RBBP4: variants seen among roughly 807,000 people sequenced by gnomAD.
RBBP4 encodes the protein RB binding protein 4, chromatin remodeling factor.
Under a neutral mutation model 57.2 loss-of-function variants are expected in RBBP4, and 3 were observed. That is an observed-to-expected ratio of 0.05 (90% confidence interval 0.02 to 0.14). RBBP4 has a LOEUF of 0.14. RBBP4 is among the 10% of genes least tolerant of loss of function. The pLI is 1.00. For synonymous variants in RBBP4, 151 were observed against 171.5 expected, an observed-to-expected ratio of 0.88 and a Z score of 0.93; for missense variants, 107 against 520.6, an observed-to-expected ratio of 0.21 and a Z score of 7.73.
chr1:32,659,611 G>T (rs1291170737), intron 3 of RBBP4, among the ~76,000 whole-genome samples: 1 of 151,782 alleles, frequency 6.6e-6, no homozygotes, highest in Non-Finnish European at 1.5e-5. Context: ...TCACTTAAAT[G>T]GATGTATTGT....
chr1:32,652,787 C>A (rs1017021024), intron 2 of RBBP4, among the ~76,000 whole-genome samples: 5 of 152,138 alleles, frequency 3.3e-5, no homozygotes, highest in Non-Finnish European at 7.4e-5. Flanking sequence ...CTCTGGTGAT[C>A]CGCCCGCCTC....
At position 32,686,115 on chromosome 1, in the gene RBBP4, AAGAC is replaced by A. The variant is rs1476137523; in HGVS notation, c.*6413_*6416del. The A allele has an allele frequency of 6.6e-5, 10 of 152,382 alleles. No homozygotes were observed. The highest frequency in any genetic ancestry group is 1.0e-4 in the Non-Finnish European group (7 of 68,044). The allele number at this position is 152,382 out of a possible 1,614,324, so 9.4% of individuals were successfully genotyped here. On this transcript the variant is annotated 3_prime_UTR_variant, in exon 12 of 12. Coordinates refer to ENST00000373493, the MANE Select transcript of RBBP4 (RefSeq NM_005610.3). Reference sequence around the variant, plus strand: ...AGTGTAAAATACACAGCAGATTTCTAAGACAGCACACAAAATGTAAAATATGTCA... The same window carrying A: ...AGTGTAAAATACACAGCAGATTTCTAAGCACACAAAATGTAAAATATGTCA...
rs751692700 is a variant in RBBP4 at position 32,672,787 on chromosome 1, T to C, written c.1102-4T>C. On this transcript the variant is annotated splice_region_variant and splice_polypyrimidine_tract_variant and intron_variant, in intron 10 of 11. Coordinates refer to ENST00000373493, the MANE Select transcript of RBBP4 (RefSeq NM_005610.3). Reference sequence around the variant, plus strand: ...TCACCTCTTTGTTTTCTTCCCTCTTTCAGTTTATTCATGGTGGTCATACTG... The same window carrying C: ...TCACCTCTTTGTTTTCTTCCCTCTTCCAGTTTATTCATGGTGGTCATACTG... 11 of 1,610,986 alleles carry C rather than the reference T, an allele frequency of 6.8e-6. No homozygotes were observed. The highest frequency in any genetic ancestry group is 1.1e-5 in the South Asian group (1 of 91,004).
intron 3 of RBBP4, among the ~76,000 whole-genome samples, chr1:32,667,089 G>A (rs962106221): frequency 1.3e-5 from 2 of 152,166 alleles, no homozygotes; most frequent in African/African-American, 4.8e-5. Flanking sequence ...TGGAGTCAGG[G>A]AACACTCTGC....
intron 3 of RBBP4, among the ~76,000 whole-genome samples, chr1:32,665,306 G>T (rs1057340865): frequency 6.6e-5 from 10 of 152,062 alleles, no homozygotes; most frequent in African/African-American, 2.4e-4. Flanking sequence ...AAGTTATTTT[G>T]AAGTTGAAAG....
chr1:32,674,940 T>C (rs529892425), intron 11 of RBBP4, among the ~76,000 whole-genome samples: 1 of 152,096 alleles, frequency 6.6e-6, no homozygotes, highest in South Asian at 2.1e-4. Flanking sequence ...GGTTTCACCA[T>C]GTTGGTCAGG....
intron 1 of RBBP4, 162 bp from the exon 2 acceptor site, chr1:32,651,752 T>C (rs961516406): frequency 1.1e-6 from 1 of 920,950 alleles, no homozygotes; most frequent in South Asian, 1.7e-5. Context: ...CCGAGGAGTT[T>C]CGGCGCCGCG....
At position 32,669,638 on chromosome 1, in the gene RBBP4, C is replaced by G; in HGVS notation, c.966+75C>G. ...GGGCGCGGTCGCTCACGCCTGTAAT[C>G]CCAGCACTTTGGGAGGCTGAAGCGG... is the stretch of plus-strand genomic sequence containing the variant. On this transcript the variant is annotated intron_variant, in intron 8 of 11. Coordinates refer to ENST00000373493, the MANE Select transcript of RBBP4 (RefSeq NM_005610.3). The surrounding 1 kb of genome is among the most constrained non-coding windows in gnomAD (Gnocchi z 4.9). The G allele has an allele frequency of 6.6e-7, 1 of 1,516,240 alleles. No individual in the cohort carries two copies. Among genetic ancestry groups the G allele is most frequent in the Admixed American group, 2.2e-5 (1 of 44,552 alleles). The allele number at this position is 1,516,240 out of a possible 1,614,324, so 93.9% of individuals were successfully genotyped here.
At chr1:32,678,896 C>CT (rs200138353) in intron 11 of RBBP4, among the ~76,000 whole-genome samples, 6,621 of 152,128 alleles carry the variant, frequency 0.044, 219 homozygotes, top group Non-Finnish European at 0.054. Context: ...GCCTGACTGG[C>CT]TTTTTTATGC....
rs1418991350 is a variant in RBBP4, at chr1:32,651,240, C to G, written c.-67C>G. The stretch of plus-strand genomic sequence containing the variant: ...ATAGAGGCCGCGCGCACAGAGCGAG[C>G]TCTTGCAGCCTCCCCGCCCCTCCCG... On this transcript the variant is annotated 5_prime_UTR_variant, in exon 1 of 12. Transcript: ENST00000373493. The G allele has an allele frequency of 6.6e-7, 1 of 1,506,312 alleles. No homozygotes were observed. The highest frequency in any genetic ancestry group is 8.9e-7 in the Non-Finnish European group (1 of 1,126,782). 93.3% of individuals were successfully genotyped at this position (1,506,312 alleles called of 1,614,324 possible).
intron 3 of RBBP4, among the ~76,000 whole-genome samples, chr1:32,659,057 A>T (rs141523226): frequency 0.039 from 5,680 of 147,348 alleles, 224 homozygotes; most frequent in East Asian, 0.11. Flanking sequence ...ATATATAAAT[A>T]TATAAATTAT....
At chr1:32,651,873 C>G in intron 1 of RBBP4, 41 bp from the exon 2 acceptor site, 1 of 1,598,276 alleles carries the variant, frequency 6.3e-7, no homozygotes, top group Non-Finnish European at 8.5e-7. Flanking sequence ...TACTCGGTTT[C>G]CGTTTGTTTG....
At position 32,679,952 on chromosome 1, in the gene RBBP4, G is replaced by T. The variant is rs1649317636; in HGVS notation, c.*247G>T. On this transcript the variant is annotated 3_prime_UTR_variant, in exon 12 of 12. Coordinates refer to ENST00000373493, the MANE Select transcript of RBBP4 (RefSeq NM_005610.3). The stretch of plus-strand genomic sequence containing the variant: ...TTTCTAGTAACCCAGGTCTAAAGTA[G>T]CTACAGAAAGGGGAATATTATGTGT... 7.9e-7 allele frequency: 1 copy of T among 1,273,150 alleles called. No individual in the cohort carries two copies. Among genetic ancestry groups the T allele is most frequent in the African/African-American group, 1.6e-5 (1 of 64,350 alleles). The allele number at this position is 1,273,150 out of a possible 1,614,324, so 78.9% of individuals were successfully genotyped here.
rs986592408 is a variant in RBBP4 at position 32,680,884 on chromosome 1, C to T, written c.*1179C>T. 10 of 252,288 alleles carry T rather than the reference C, an allele frequency of 4.0e-5. No homozygotes were observed. The highest frequency in any genetic ancestry group is 6.7e-5 in the Non-Finnish European group (9 of 133,672). 15.6% of individuals were successfully genotyped at this position (252,288 alleles called of 1,614,324 possible). A position where few individuals can be genotyped will look rare whatever the true frequency, so the allele number is the denominator to read the frequency against. On this transcript the variant is annotated 3_prime_UTR_variant, in exon 12 of 12. Coordinates refer to ENST00000373493, the MANE Select transcript of RBBP4 (RefSeq NM_005610.3). ...CACAGATTAGTCTTTGATAAGGTAA[C>T]GTTTCTTTGAAGTCTATCTGTAGAG...
At chr1:32,678,458 C>G (rs1195262004) in intron 11 of RBBP4, among the ~76,000 whole-genome samples, 1 of 151,942 alleles carries the variant, frequency 6.6e-6, no homozygotes, top group Non-Finnish European at 1.5e-5. Flanking sequence ...AACTCCTGAC[C>G]TCAGGTGATA....
At chr1:32,663,466 G>T (rs1008843333) in intron 3 of RBBP4, among the ~76,000 whole-genome samples, 2 of 152,052 alleles carry the variant, frequency 1.3e-5, no homozygotes, top group Admixed American at 6.6e-5. Context: ...TTCAGACAGG[G>T]TCTTACTCTG....
In RBBP4 at chr1:32,683,682, G is replaced by A. The variant is rs773451739; in HGVS notation, c.*3977G>A. 2 of 213,760 alleles carry A rather than the reference G, an allele frequency of 9.4e-6. No individual in the cohort carries two copies. The highest frequency in any genetic ancestry group is 1.2e-4 in the East Asian group (1 of 8,252). The allele number at this position is 213,760 out of a possible 1,614,324, so 13.2% of individuals were successfully genotyped here. A position where few individuals can be genotyped will look rare whatever the true frequency, so the allele number is the denominator to read the frequency against. On this transcript the variant is annotated 3_prime_UTR_variant, in exon 12 of 12. Transcript: ENST00000373493. ...GCAGTCTCACTCTGTTGTACAAGCT[G>A]GAGTGCTGTATTGTGATCTTGACTC...
chr1:32,667,902 G>A (rs1364576169), intron 3 of RBBP4, among the ~76,000 whole-genome samples: 2 of 152,044 alleles, frequency 1.3e-5, no homozygotes, highest in African/African-American at 2.4e-5. Flanking sequence ...TATATTGTTC[G>A]GGGATAATGA....
chr1:32,683,848 G>A lies in RBBP4; in HGVS notation c.*4143G>A, dbSNP rs527999892. On this transcript the variant is annotated 3_prime_UTR_variant, in exon 12 of 12. Transcript: ENST00000373493. ...GAGTTTTGCCATGTTGGCCAGGCTG[G>A]TCTTGAACTCCTGACTCCAGGTGAT... 2.7e-4 allele frequency: 174 copies of A among 648,428 alleles called. No individual in the cohort carries two copies. Among genetic ancestry groups the A allele is most frequent in the Non-Finnish European group, 2.9e-4 (108 of 373,630 alleles). The allele number at this position is 648,428 out of a possible 1,614,324, so 40.2% of individuals were successfully genotyped here. A position where few individuals can be genotyped will look rare whatever the true frequency, so the allele number is the denominator to read the frequency against.
Sources: gnomAD v4.1 joint callset for allele counts (sites outside exome capture counted in the v4.1 genomes callset) on GRCh38, gnomAD v4.1.1 for gene constraint, Gnocchi (gnomAD v3.1) non-coding constraint, MANE v1.5 for transcripts, NCBI Gene and HGNC (gene_info 2026-07-23, HGNC 2026-07-21) for gene names.